The following NRP2 variants were observed in gnomAD, a reference collection of about 807,000 sequenced individuals.
NRP2 encodes neuropilin 2.
NRP2 carries 52 observed loss-of-function variants against 110.4 expected under a neutral mutation model. The observed-to-expected ratio is 0.47, with a 90% CI of 0.38 to 0.59. The LOEUF (loss-of-function observed/expected upper bound fraction) is 0.59, where lower values mean the gene tolerates loss of function less well. Among genes scored for constraint, NRP2 ranks in the 20% least tolerant of loss-of-function variants. The pLI, the probability that NRP2 is intolerant of heterozygous loss-of-function variation, is 0.00. For synonymous variants in NRP2, 508 were observed against 468.9 expected (o/e 1.08, Z -1.08); for missense variants, 1,049 against 1,203.0 (o/e 0.87, Z 1.89).
chr2:205,743,326 C>G lies in NRP2; in HGVS notation c.1415C>G (p.Ser472Trp). 6.2e-7 allele frequency: 1 copy of G among 1,614,188 alleles called. No individual in the cohort carries two copies. The highest frequency in any genetic ancestry group is 8.5e-7 in the Non-Finnish European group (1 of 1,180,006). ...PSAARLVSSR[S>W]GWFPRIPQAQ... ...GCAGCCCGCCTGGTTAGCAGCCGCTCGGGCTGGTTCCCTCGAATCCCTCAG... is the reference window on the plus strand; with the variant it reads ...GCAGCCCGCCTGGTTAGCAGCCGCTGGGGCTGGTTCCCTCGAATCCCTCAG... The change falls in exon 9 of 17, where the codon TCG (serine) becomes TGG (tryptophan). Residue 472 changes from serine (S) to tryptophan (W), a missense_variant. Coordinates refer to ENST00000357785, the MANE Select transcript of NRP2 (RefSeq NM_003872.3).
chr2:205,760,461 G>T (rs1448531710), intron 12 of NRP2, among the ~76,000 whole-genome samples: 1 of 152,190 alleles, frequency 6.6e-6, no homozygotes, highest in Non-Finnish European at 1.5e-5. Context: ...TGGAGATTCT[G>T]CAGACTAGTG....
chr2:205,743,161 G>A (rs374695783), intron 8 of NRP2, 42 bp from the exon 9 acceptor site: 376 of 1,603,498 alleles, frequency 2.3e-4, no homozygotes, highest in Admixed American at 1.3e-3. Context: ...TGGTTAGCAG[G>A]TGTCAGCCAT....
At chr2:205,792,359 C>G in intron 16 of NRP2, 74 bp downstream of exon 16, 1 of 1,083,994 alleles carries the variant, frequency 9.2e-7, no homozygotes, top group Non-Finnish European at 1.4e-6. Flanking sequence ...AAAAATAATG[C>G]TCTGGGTATC....
At chr2:205,777,080 A>G in intron 15 of NRP2, 1 of 994,374 alleles carries the variant, frequency 1.0e-6, no homozygotes, top group Non-Finnish European at 1.2e-6. Flanking sequence ...CCTGGGGTAC[A>G]TTTTACAAGA....
chr2:205,724,794 G>A (rs1037434614), intron 5 of NRP2, among the ~76,000 whole-genome samples: 3 of 150,910 alleles, frequency 2.0e-5, no homozygotes, highest in African/African-American at 7.3e-5. Flanking sequence ...AGCCTCCCGA[G>A]TAGCTGGAAC....
rs572402881 is a variant in NRP2 at position 205,693,008 on chromosome 2, C to A, written c.74-4536C>A. ...GATTACTAGGCTTTTAAATCCTGCT[C>A]CAATGCTATTTCTAATAAACTTCCT... On this transcript the variant is annotated intron_variant, in intron 1 of 16. Transcript: ENST00000357785. 6.0e-4 allele frequency among the ~76,000 whole-genome samples: 91 copies of A among 152,218 alleles called. 1 individual carries two copies. The highest frequency in any genetic ancestry group is 3.4e-3 in the Middle Eastern group (1 of 294).
chr2:205,735,466 T>C (rs2057325931), intron 7 of NRP2, among the ~76,000 whole-genome samples: 1 of 148,164 alleles, frequency 6.7e-6, no homozygotes, highest in Admixed American at 6.8e-5. Context: ...TATATATATA[T>C]ATAATTATAT....
chr2:205,703,968 T>G (rs1263514970), intron 2 of NRP2, among the ~76,000 whole-genome samples: 1 of 152,108 alleles, frequency 6.6e-6, no homozygotes, highest in Non-Finnish European at 1.5e-5. Flanking sequence ...CACCATCTCC[T>G]TAGGAGACAG....
chr2:205,736,394 T>C (rs1041975362), intron 7 of NRP2, among the ~76,000 whole-genome samples: 7 of 152,170 alleles, frequency 4.6e-5, no homozygotes, highest in Admixed American at 3.3e-4. Flanking sequence ...CTCTGTGACA[T>C]CCAGCTTCTA....
At chr2:205,765,771 G>T in intron 14 of NRP2, 2 of 715,870 alleles carry the variant, frequency 2.8e-6, no homozygotes, top group Non-Finnish European at 5.2e-6. Context: ...TAAGGGGACG[G>T]CTTATATCCC....
rs1301692876 is a variant in NRP2, at chr2:205,743,530, A to G, written c.1619A>G (p.Asp540Gly). The G allele has an allele frequency of 6.2e-7, 1 of 1,614,116 alleles. No individual in the cohort carries two copies. The highest frequency in any genetic ancestry group is 8.5e-7 in the Non-Finnish European group (1 of 1,180,024). Residue 540 changes from aspartate to glycine, a missense_variant, in exon 9 of 17, where the codon GAC (aspartate) becomes GGC (glycine). Physicochemically the swap from Asp to Gly is moderately conservative, Grantham distance 94. Transcript: ENST00000357785. The stretch of plus-strand genomic sequence containing the variant: ...GGCAAGGACTGGGAATACATTCAGG[A>G]CCCCAGGACCCAGCAGCCAAAGGTA... ...LNGKDWEYIQDPRTQQPKLFE... is the reference protein window; with the variant it reads ...LNGKDWEYIQGPRTQQPKLFE...
chr2:205,723,683 G>A lies in NRP2; in HGVS notation c.665-102G>A, dbSNP rs2057066153. On this transcript the variant is annotated intron_variant, in intron 4 of 16. Coordinates refer to ENST00000357785, the MANE Select transcript of NRP2 (RefSeq NM_003872.3). ...GTTTTTATGGCAAGATGTACAAAGT[G>A]TGCTCCACTGAATGAAATGCAATGA... 7 of 1,158,266 alleles carry A rather than the reference G, an allele frequency of 6.0e-6. No individual in the cohort carries two copies. In the Admixed American group the frequency reaches 1.1e-4, roughly 19 times the overall value. The allele number at this position is 1,158,266 out of a possible 1,614,324, so 71.7% of individuals were successfully genotyped here.
At chr2:205,775,608 T>G in intron 15 of NRP2, among the ~76,000 whole-genome samples, 1 of 152,240 alleles carries the variant, frequency 6.6e-6, no homozygotes, top group Non-Finnish European at 1.5e-5. Flanking sequence ...GTGATTGACC[T>G]GTCTAGGCAA....
chr2:205,708,000 C>T (rs1028396366), intron 2 of NRP2, among the ~76,000 whole-genome samples: 6 of 152,152 alleles, frequency 3.9e-5, no homozygotes, highest in African/African-American at 1.4e-4. Context: ...TCCAGGCCAG[C>T]GTAGGAAAAT....
chr2:205,783,230 A>G (rs564958082), intron 15 of NRP2, among the ~76,000 whole-genome samples: 24 of 152,222 alleles, frequency 1.6e-4, no homozygotes, highest in African/African-American at 5.5e-4. Flanking sequence ...TTAACTGCCA[A>G]CTTACGGGGA....
At chr2:205,743,652 C>T in intron 9 of NRP2, 100 bp downstream of exon 9, 1 of 1,515,102 alleles carries the variant, frequency 6.6e-7, no homozygotes, top group Non-Finnish European at 8.9e-7. Flanking sequence ...AAACAGTCGT[C>T]ATCCAACTCC....
chr2:205,770,455 G>A (rs1350963396), intron 15 of NRP2, among the ~76,000 whole-genome samples: 4 of 139,046 alleles, frequency 2.9e-5, no homozygotes, highest in Admixed American at 2.1e-4. Context: ...TTTCTTTGGT[G>A]CCAACTGGCC....
chr2:205,754,867 G>A (rs2057708473), intron 12 of NRP2, among the ~76,000 whole-genome samples: 1 of 152,078 alleles, frequency 6.6e-6, no homozygotes, highest in Admixed American at 6.6e-5. Context: ...AAAGGATATA[G>A]CCGGGGTCCT....
In NRP2 at chr2:205,745,897, T is replaced by C; in HGVS notation, c.1786+7T>C. 1 of 1,614,066 alleles carries C rather than the reference T, an allele frequency of 6.2e-7. No homozygotes were observed. The highest frequency in any genetic ancestry group is 1.1e-5 in the South Asian group (1 of 91,082). ...CTGGGCTGTGACTGGACAGGTAAGA[T>C]GACATTTCCTCCTCTTTGCATCTCA... On this transcript the variant is annotated splice_region_variant and intron_variant, in intron 10 of 16. Transcript: ENST00000357785.
Sources: gnomAD v4.1 joint callset for allele counts (sites outside exome capture counted in the v4.1 genomes callset) on GRCh38, gnomAD v4.1.1 for gene constraint, MANE v1.5 for transcripts, NCBI Gene and HGNC (gene_info 2026-07-23, HGNC 2026-07-21) for gene names.